ZFPM2: variants seen among roughly 807,000 people sequenced by gnomAD.
ZFPM2 encodes the protein zinc finger protein ZFPM2.
A neutral mutation model predicts 98.6 loss-of-function variants in ZFPM2; 20 were observed. The ratio of observed to expected loss-of-function variants is 0.20; its 90% CI spans 0.14 to 0.29. ZFPM2 has a LOEUF of 0.29. ZFPM2 is among the 10% of genes least tolerant of loss of function. The pLI, the probability that ZFPM2 is intolerant of heterozygous loss-of-function variation, is 1.00. For missense variants in ZFPM2, 1,310 were observed against 1,388.6 expected, an observed-to-expected ratio of 0.94 and a Z score of 0.90; for synonymous variants, 518 against 502.7, an observed-to-expected ratio of 1.03 and a Z score of -0.41.
intron 1 of ZFPM2, among the ~76,000 whole-genome samples, chr8:105,404,602 C>T (rs1236031127): frequency 6.6e-6 from 1 of 151,984 alleles, no homozygotes; most frequent in Non-Finnish European, 1.5e-5. Context: ...GTTAAATAGT[C>T]AATTAACTCT....
intron 1 of ZFPM2, among the ~76,000 whole-genome samples, chr8:105,348,120 G>T (rs761627136): frequency 6.6e-6 from 1 of 152,128 alleles, no homozygotes; most frequent in Non-Finnish European, 1.5e-5. Context: ...CCATTTTGTT[G>T]GTTCTTTGAG....
intron 3 of ZFPM2, among the ~76,000 whole-genome samples, chr8:105,450,677 G>T (rs1391485744): frequency 1.3e-5 from 2 of 151,930 alleles, no homozygotes; most frequent in African/African-American, 4.8e-5. Context: ...GTGTCCATAT[G>T]AAAATGAGGC....
intron 3 of ZFPM2, among the ~76,000 whole-genome samples, chr8:105,498,188 C>T (rs942740167): frequency 6.6e-6 from 1 of 151,690 alleles, no homozygotes; most frequent in African/African-American, 2.4e-5. Flanking sequence ...ACAGTGAGAC[C>T]CCATCTCCAA....
intron 3 of ZFPM2, among the ~76,000 whole-genome samples, chr8:105,559,664 T>G (rs1419854090): frequency 3.3e-5 from 5 of 152,236 alleles, no homozygotes; most frequent in South Asian, 2.1e-4. Flanking sequence ...TCAGTTTTGG[T>G]TTTCAGGATA....
intron 5 of ZFPM2, among the ~76,000 whole-genome samples, chr8:105,730,699 A>G (rs1275634064): frequency 6.6e-6 from 1 of 151,578 alleles, no homozygotes; most frequent in Non-Finnish European, 1.5e-5. Context: ...AGTATATTAA[A>G]GGCCTGAAGG....
intron 3 of ZFPM2, among the ~76,000 whole-genome samples, chr8:105,546,836 T>C (rs1194868529): frequency 7.2e-5 from 11 of 152,040 alleles, no homozygotes; most frequent in Admixed American, 7.2e-4. Context: ...ATCCTAGGAG[T>C]ATATAATTCC....
intron 3 of ZFPM2, among the ~76,000 whole-genome samples, chr8:105,558,221 T>G (rs1051355823): frequency 6.6e-6 from 1 of 152,218 alleles, no homozygotes; most frequent in Admixed American, 6.5e-5. Context: ...ATCCTTAACC[T>G]ATGTAACCTT....
At chr8:105,633,524 C>A (rs932996909) in intron 4 of ZFPM2, among the ~76,000 whole-genome samples, 39 of 152,072 alleles carry the variant, frequency 2.6e-4, no homozygotes, top group African/African-American at 8.2e-4. Flanking sequence ...CTATTTTGAG[C>A]CTTCTATTTA....
chr8:105,361,717 C>T (rs1277576713), intron 1 of ZFPM2, among the ~76,000 whole-genome samples: 1 of 151,980 alleles, frequency 6.6e-6, no homozygotes, highest in East Asian at 1.9e-4. Flanking sequence ...GAAATTGAAG[C>T]TTGCATTTAA....
At chr8:105,406,817 GA>G (rs1321087372) in intron 1 of ZFPM2, among the ~76,000 whole-genome samples, 1 of 152,002 alleles carries the variant, frequency 6.6e-6, no homozygotes, top group African/African-American at 2.4e-5. Flanking sequence ...AGGCCTAGAG[GA>G]TACGACTAGG....
intron 4 of ZFPM2, among the ~76,000 whole-genome samples, chr8:105,631,486 C>A (rs998868077): frequency 1.9e-4 from 29 of 152,112 alleles, no homozygotes; most frequent in Non-Finnish European, 4.4e-5. Context: ...AGCCTTTGCC[C>A]ACACTGTTTC....
intron 5 of ZFPM2, among the ~76,000 whole-genome samples, chr8:105,671,734 C>A (rs1049008333): frequency 6.6e-6 from 1 of 151,812 alleles, no homozygotes; most frequent in African/African-American, 2.4e-5. Flanking sequence ...CAAGTAAGTA[C>A]AATAGTTTAG....
chr8:105,572,329 C>T (rs1815375567), intron 4 of ZFPM2, among the ~76,000 whole-genome samples: 2 of 151,982 alleles, frequency 1.3e-5, no homozygotes, highest in Admixed American at 6.6e-5. Context: ...AGCCACCACA[C>T]CTAGCCTCTT....
chr8:105,428,035 A>G (rs2130126276), intron 2 of ZFPM2, among the ~76,000 whole-genome samples: 1 of 152,310 alleles, frequency 6.6e-6, no homozygotes, highest in African/African-American at 2.4e-5. Context: ...AAAGTCAACA[A>G]AACTACTAAA....
chr8:105,502,142 A>C (rs1048892802), intron 3 of ZFPM2, among the ~76,000 whole-genome samples: 2 of 152,192 alleles, frequency 1.3e-5, no homozygotes, highest in African/African-American at 4.8e-5. Flanking sequence ...GTTCCTCAAA[A>C]GAGAAAGAGC....
At chr8:105,379,339 A>G (rs1810794243) in intron 1 of ZFPM2, among the ~76,000 whole-genome samples, 1 of 152,232 alleles carries the variant, frequency 6.6e-6, no homozygotes, top group Non-Finnish European at 1.5e-5. Context: ...AACTTCATCA[A>G]TAATTGGAAT....
intron 5 of ZFPM2, among the ~76,000 whole-genome samples, chr8:105,686,098 A>G (rs1026642071): frequency 6.6e-6 from 1 of 152,018 alleles, no homozygotes; most frequent in Admixed American, 6.6e-5. Context: ...GAATTTCTAT[A>G]TTTCTGTACT....
At chr8:105,319,720 G>C (rs1811983462) in intron 1 of ZFPM2, 1 of 152,278 alleles carries the variant, frequency 6.6e-6, no homozygotes, top group Admixed American at 6.5e-5. Context: ...GTCCTCCCTG[G>C]GAGGGGCCGC....
chr8:105,745,942 G>T (rs544366521), intron 5 of ZFPM2, among the ~76,000 whole-genome samples: 17 of 151,932 alleles, frequency 1.1e-4, no homozygotes, highest in South Asian at 2.1e-4. Flanking sequence ...GTATTTTTTT[G>T]TTGTTGTTGT....
Sources: allele counts gnomAD v4.1 joint callset (sites outside exome capture counted in the v4.1 genomes callset), GRCh38; gene constraint gnomAD v4.1.1; transcripts MANE v1.5; gene names NCBI Gene and HGNC (gene_info 2026-07-23, HGNC 2026-07-21).